Variants in KIAA1671 observed in about 807,000 individuals in gnomAD.
KIAA1671 encodes the protein KIAA1671.
In KIAA1671, 52 loss-of-function variants were observed where a neutral mutation model predicts 131.2. That is an observed-to-expected ratio of 0.40 (90% CI 0.32 to 0.50). KIAA1671 has a LOEUF of 0.50. Among genes scored for constraint, KIAA1671 ranks in the 20% least tolerant of loss-of-function variants. The pLI, the probability that KIAA1671 is intolerant of heterozygous loss-of-function variation, is 0.73. For missense variants in KIAA1671, 2,360 were observed against 2,364.2 expected (o/e 1.00, Z 0.04); for synonymous variants, 1,003 against 961.6 (o/e 1.04, Z -0.80).
At chr22:25,115,154 G>A (rs1386973939) in intron 6 of KIAA1671, among the ~76,000 whole-genome samples, 2 of 152,238 alleles carry the variant, frequency 1.3e-5, no homozygotes, top group African/African-American at 4.8e-5. Context: ...GGCAGGAAGA[G>A]GCACGTTTAT....
chr22:25,079,886 C>G (rs1354574294), intron 6 of KIAA1671, among the ~76,000 whole-genome samples: 1 of 152,000 alleles, frequency 6.6e-6, no homozygotes, highest in Non-Finnish European at 1.5e-5. Flanking sequence ...GGAACAGACT[C>G]AAGTAAGGGG....
chr22:25,145,068 T>G (rs1313401502), intron 6 of KIAA1671, among the ~76,000 whole-genome samples: 2 of 152,214 alleles, frequency 1.3e-5, no homozygotes, highest in African/African-American at 4.8e-5. Context: ...TTAGGAGTCC[T>G]TTCCCTTTAG....
chr22:25,191,842 A>G (rs1934680533), intron 12 of KIAA1671, among the ~76,000 whole-genome samples: 2 of 152,342 alleles, frequency 1.3e-5, no homozygotes, highest in Non-Finnish European at 2.9e-5. Flanking sequence ...AGTCAGTGGT[A>G]AAACCTGACC....
chr22:25,047,809 T>C (rs2145818046), intron 5 of KIAA1671, among the ~76,000 whole-genome samples: 2 of 152,338 alleles, frequency 1.3e-5, no homozygotes, highest in East Asian at 3.9e-4. Context: ...AGCACAAAAG[T>C]TTTTAATTTT....
Position 25,188,447 on chromosome 22 carries a change from G to GGTGTGTGTGTGTGT in KIAA1671, c.5343-2222_5343-2209dup, listed in dbSNP as rs59590267. On this transcript the variant is annotated intron_variant, in intron 11 of 12. Coordinates refer to ENST00000358431, the MANE Select transcript of KIAA1671 (RefSeq NM_001145206.2). ...TTCTCCAGAGAAACAGAGCCAATCG[G>GGTGTGTGTGTGTGT]GTGTGTGTGTGTGTGTGTGTGTGTG... is the stretch of plus-strand genomic sequence containing the variant. 3.0e-3 allele frequency among the ~76,000 whole-genome samples: 420 copies of GGTGTGTGTGTGTGT among 137,968 alleles called. 3 individuals carry two copies. Among genetic ancestry groups the GGTGTGTGTGTGTGT allele is most frequent in the Admixed American group, 9.7e-3 (131 of 13,454 alleles). 90.5% of individuals were successfully genotyped at this position (137,968 alleles called of 152,430 possible).
At chr22:25,067,815 C>T (rs550708412) in intron 6 of KIAA1671, among the ~76,000 whole-genome samples, 9 of 152,210 alleles carry the variant, frequency 5.9e-5, no homozygotes, top group Non-Finnish European at 1.0e-4. Context: ...AAGGCCCTGG[C>T]GGGCCCCTGT....
At chr22:24,981,285 T>C (rs183666039) in intron 1 of KIAA1671, among the ~76,000 whole-genome samples, 1 of 152,254 alleles carries the variant, frequency 6.6e-6, no homozygotes, top group East Asian at 1.9e-4. Flanking sequence ...GACTGTGAAC[T>C]TTCTGAGGAT....
intron 6 of KIAA1671, among the ~76,000 whole-genome samples, chr22:25,114,987 G>T (rs1931580678): frequency 1.3e-5 from 2 of 152,206 alleles, no homozygotes; most frequent in South Asian, 2.1e-4. Flanking sequence ...CAGTGTAGAA[G>T]AATCTATTGC....
intron 9 of KIAA1671, chr22:25,179,361 T>TGCAGCTCCTCGC (rs1371159762): frequency 6.2e-7 from 1 of 1,602,342 alleles, no homozygotes; most frequent in African/African-American, 1.3e-5. Flanking sequence ...CTCGGCCGCG[T>TGCAGCTCCTCGC]GCAGCTCCTC....
intron 1 of KIAA1671, among the ~76,000 whole-genome samples, chr22:24,983,413 G>A (rs2072766912): frequency 6.6e-6 from 1 of 152,196 alleles, no homozygotes. Flanking sequence ...AAGGACACTA[G>A]TCATTGGATT....
At chr22:25,045,693 G>GATTC (rs1346737720) in intron 5 of KIAA1671, among the ~76,000 whole-genome samples, 20 of 152,070 alleles carry the variant, frequency 1.3e-4, no homozygotes, top group Non-Finnish European at 2.8e-4. Context: ...GGGTTCAAGT[G>GATTC]ATTCTCCTGC....
chr22:25,028,437 C>G lies in KIAA1671; in HGVS notation c.438C>G (p.Leu146=). ...FLRPSSSTMI[L]FETTKSGPAL... ...GGCCCAGCTCCAGCACCATGATTCT[C>G]TTCGAAACCACCAAAAGCGGCCCCG... Residue 146 remains leucine (L), a synonymous_variant, in exon 3 of 13, where the codon CTC becomes CTG. Transcript: ENST00000358431. The G allele has an allele frequency of 6.4e-7, 1 of 1,550,916 alleles. No homozygotes were observed. Among genetic ancestry groups the G allele is most frequent in the East Asian group, 2.4e-5 (1 of 40,914 alleles).
At chr22:25,033,573 C>CTT (rs1926407784) in intron 4 of KIAA1671, among the ~76,000 whole-genome samples, 3 of 71,700 alleles carry the variant, frequency 4.2e-5, no homozygotes, top group African/African-American at 1.8e-4. Flanking sequence ...GGTTTGTTTT[C>CTT]GTTTTTTTTT....
At chr22:25,124,098 G>T (rs778107732) in intron 6 of KIAA1671, among the ~76,000 whole-genome samples, 8 of 152,160 alleles carry the variant, frequency 5.3e-5, no homozygotes, top group Non-Finnish European at 8.8e-5. Context: ...CTGGGGTCAG[G>T]CTCCCAGGGG....
chr22:25,072,334 C>T (rs1418358263), intron 6 of KIAA1671, among the ~76,000 whole-genome samples: 1 of 152,140 alleles, frequency 6.6e-6, no homozygotes, highest in Non-Finnish European at 1.5e-5. Context: ...GCCTTGGTTT[C>T]CCCATCTGGA....
At chr22:24,975,204 A>G (rs1023681868) in intron 1 of KIAA1671, among the ~76,000 whole-genome samples, 1 of 152,062 alleles carries the variant, frequency 6.6e-6, no homozygotes, top group Non-Finnish European at 1.5e-5. Flanking sequence ...CGTTCTGGAC[A>G]TTTCATGTAA....
In KIAA1671 at chr22:25,195,218, G is replaced by A. The variant is rs2146062865; in HGVS notation, c.*2817G>A. Reference sequence around the variant, plus strand: ...ACCTCCACCACCCCTTTGCACATCAGCATTTTAACAGCTGATCTTTTGAGA... The same window carrying A: ...ACCTCCACCACCCCTTTGCACATCAACATTTTAACAGCTGATCTTTTGAGA... On this transcript the variant is annotated 3_prime_UTR_variant, in exon 13 of 13. Coordinates refer to ENST00000358431, the MANE Select transcript of KIAA1671 (RefSeq NM_001145206.2). 6.6e-6 allele frequency: 1 copy of A among 152,190 alleles called. No homozygotes were observed. Among genetic ancestry groups the A allele is most frequent in the African/African-American group, 2.4e-5 (1 of 41,518 alleles). 9.4% of individuals were successfully genotyped at this position (152,190 alleles called of 1,614,324 possible).
rs1926867601 is a variant in KIAA1671, at chr22:25,040,624, C to T, written c.3494C>T (p.Thr1165Ile). ...GGCGGAGCTCCCCAAACCACCCCGA[C>T]TCTGAGGAGTCGTCCAAAAGATCTT... is the stretch of plus-strand genomic sequence containing the variant. The part of the protein sequence containing the change: ...PSGGAPQTTP[T>I]LRSRPKDLPV... The change falls in exon 5 of 13, where the codon ACT becomes ATT. Residue 1165 changes from threonine (T) to isoleucine (I), a missense_variant. By Grantham distance (89) the Thr-to-Ile change is moderately conservative. Coordinates refer to ENST00000358431, the MANE Select transcript of KIAA1671 (RefSeq NM_001145206.2). 9.0e-6 allele frequency: 14 copies of T among 1,551,754 alleles called. No homozygotes were observed. The highest frequency in any genetic ancestry group is 1.2e-5 in the Non-Finnish European group (14 of 1,147,052).
intron 6 of KIAA1671, among the ~76,000 whole-genome samples, chr22:25,080,198 A>G (rs959567884): frequency 2.6e-5 from 4 of 152,018 alleles, no homozygotes; most frequent in African/African-American, 9.7e-5. Flanking sequence ...TCAGTTAGAT[A>G]CCGGTGTCAG....
Sources: allele counts gnomAD v4.1 joint callset (sites outside exome capture counted in the v4.1 genomes callset), GRCh38; gene constraint gnomAD v4.1.1; transcripts MANE v1.5; gene names NCBI Gene and HGNC (gene_info 2026-07-23, HGNC 2026-07-21).